Variants in ATP11C observed in about 807,000 individuals in gnomAD.
ATP11C encodes ATPase phospholipid transporting 11C (ATP11C blood group).
Under a neutral mutation model 97.4 loss-of-function variants are expected in ATP11C, and 36 were observed. The observed-to-expected ratio is 0.37, with a 90% CI of 0.28 to 0.49. The LOEUF is 0.49. ATP11C is among the 20% of genes least tolerant of loss of function. The probability of loss-of-function intolerance (pLI) is 0.98; values close to 1 mark genes in which losing one functional copy is unlikely to be tolerated. For missense variants in ATP11C, 730 were observed against 824.6 expected (o/e 0.89, Z 1.40); for synonymous variants, 275 against 290.9 (o/e 0.95, Z 0.56).
At chrX:139,732,141 T>C (rs1458963726) in intron 28 of ATP11C, among the ~76,000 whole-genome samples, 1 of 110,313 alleles carries the variant, frequency 9.1e-6, no homozygotes, top group African/African-American at 3.3e-5. Flanking sequence ...AAAGAGAAAT[T>C]TGTGCAAAAC....
intron 26 of ATP11C, among the ~76,000 whole-genome samples, chrX:139,742,584 T>C (rs1054717754): frequency 5.4e-5 from 6 of 110,736 alleles, no homozygotes; most frequent in Non-Finnish European, 7.6e-5. Flanking sequence ...AGGTATTTAC[T>C]CATGGAACCC....
At chrX:139,867,719 C>A (rs5953790) in intron 1 of ATP11C, among the ~76,000 whole-genome samples, 12,533 of 111,481 alleles carry the variant, frequency 0.11, 959 homozygotes, top group East Asian at 0.29. Flanking sequence ...TCTGGCAGAG[C>A]AGCTAGCATG....
chrX:139,923,906 C>T (rs1378884142), intron 1 of ATP11C, among the ~76,000 whole-genome samples: 1 of 111,601 alleles, frequency 9.0e-6, no homozygotes, highest in Non-Finnish European at 1.9e-5. Flanking sequence ...AAAGACAATC[C>T]AGGATATAAA....
At chrX:139,801,558 G>A (rs1239368695) in intron 7 of ATP11C, among the ~76,000 whole-genome samples, 1 of 111,691 alleles carries the variant, frequency 9.0e-6, no homozygotes, top group African/African-American at 3.3e-5. Flanking sequence ...CATCTGCAAC[G>A]GTAGAATAGG....
Position 139,814,636 on chromosome X carries a change from T to C in ATP11C, c.426+242A>G, listed in dbSNP as rs113886232. On this transcript the variant is annotated intron_variant, in intron 5 of 29. Transcript: ENST00000682941. ...AAGGACACATAAGAAATATGAAACA[T>C]TCAGAATACATACATCCATAGGGAC... Among the ~76,000 whole-genome samples the C allele has an allele frequency of 3.2e-3, 361 of 111,444 alleles. 2 individuals carry two copies. The highest frequency in any genetic ancestry group is 9.9e-3 in the African/African-American group (303 of 30,744).
At chrX:139,870,760 T>C (rs753884908) in intron 1 of ATP11C, among the ~76,000 whole-genome samples, 6 of 112,523 alleles carry the variant, frequency 5.3e-5, no homozygotes, top group African/African-American at 1.6e-4. Context: ...CTTCTGTGTA[T>C]AAAAAGATAC....
intron 19 of ATP11C, among the ~76,000 whole-genome samples, chrX:139,770,653 G>C (rs2082235947): frequency 9.0e-6 from 1 of 111,032 alleles, no homozygotes; most frequent in Non-Finnish European, 1.9e-5. Flanking sequence ...GATTTGAAGG[G>C]GAAAGGGCAA....
rs556115873 is a variant in ATP11C, at chrX:139,930,848, G to A, written c.27+1168C>T. ...TACACTTGTGAAAGTTTCAAATGAA[G>A]GAAAAATGAGAGCAAATATATCCGA... On this transcript the variant is annotated intron_variant, in intron 1 of 29. Coordinates refer to ENST00000682941, the MANE Select transcript of ATP11C (RefSeq NM_001353812.2). Among the ~76,000 whole-genome samples the A allele has an allele frequency of 3.4e-3, 380 of 112,210 alleles. 3 individuals are homozygous for A. Among genetic ancestry groups the A allele is most frequent in the African/African-American group, 0.012 (358 of 30,898 alleles).
At chrX:139,877,425 G>C (rs184298467) in intron 1 of ATP11C, among the ~76,000 whole-genome samples, 1 of 111,648 alleles carries the variant, frequency 9.0e-6, no homozygotes, top group East Asian at 2.8e-4. Flanking sequence ...TAATATATGC[G>C]GCTAAGAAGA....
intron 1 of ATP11C, among the ~76,000 whole-genome samples, chrX:139,927,728 A>T (rs776336731): frequency 1.8e-5 from 2 of 108,723 alleles, no homozygotes; most frequent in Non-Finnish European, 3.8e-5. Flanking sequence ...TTCCCATAAT[A>T]AATCTCAAAA....
At chrX:139,887,305 T>C (rs893405429) in intron 1 of ATP11C, among the ~76,000 whole-genome samples, 2 of 111,970 alleles carry the variant, frequency 1.8e-5, no homozygotes, top group African/African-American at 3.2e-5. Flanking sequence ...AACTGTTTCT[T>C]AGATAGGACA....
intron 6 of ATP11C, among the ~76,000 whole-genome samples, chrX:139,803,324 A>G (rs1444760477): frequency 8.9e-6 from 1 of 111,995 alleles, no homozygotes; most frequent in Non-Finnish European, 1.9e-5. Flanking sequence ...CTTTTGAAAT[A>G]CAGAATTAGT....
chrX:139,890,373 A>T (rs992613917), intron 1 of ATP11C, among the ~76,000 whole-genome samples: 7 of 110,994 alleles, frequency 6.3e-5, no homozygotes, highest in Middle Eastern at 4.6e-3. Context: ...TCTACAAAAA[A>T]TTTTTTTAAA....
Position 139,774,738 on chromosome X carries a change from C to T in ATP11C, c.2168G>A (p.Arg723His), listed in dbSNP as rs377281877. The T allele has an allele frequency of 6.0e-5, 73 of 1,208,398 alleles. No homozygotes were observed. Among genetic ancestry groups the T allele is most frequent in the Non-Finnish European group, 7.5e-5 (67 of 893,586 alleles). The part of the protein sequence containing the change: ...DRLHELLIEY[R>H]KKLLHEFPKS... ...AGGAAACTCATGCAGCAATTTCTTGCGATATTCTATCAATAATTCATGTAA... is the reference window on the plus strand; with the variant it reads ...AGGAAACTCATGCAGCAATTTCTTGTGATATTCTATCAATAATTCATGTAA... The change falls in exon 19 of 30, where the codon CGC (arginine) becomes CAC (histidine). Residue 723 changes from arginine (R) to histidine (H), a missense_variant. Coordinates refer to ENST00000682941, the MANE Select transcript of ATP11C (RefSeq NM_001353812.2).
intron 28 of ATP11C, 83 bp from the exon 29 acceptor site, chrX:139,731,838 A>G: frequency 1.7e-6 from 1 of 577,389 alleles, no homozygotes; most frequent in Non-Finnish European, 2.6e-6. Flanking sequence ...AAAAGGTAAA[A>G]GAAAAAAATC....
intron 10 of ATP11C, among the ~76,000 whole-genome samples, chrX:139,797,978 A>G (rs1305568153): frequency 4.5e-5 from 5 of 111,514 alleles, no homozygotes; most frequent in African/African-American, 1.6e-4. Flanking sequence ...GTTCAAGTAA[A>G]CTCTGCCCTT....
In ATP11C at chrX:139,919,021, A is replaced by C. The variant is rs192251243; in HGVS notation, c.27+12995T>G. Among the ~76,000 whole-genome samples, 3 of 111,560 alleles carry C rather than the reference A, an allele frequency of 2.7e-5. No individual in the cohort carries two copies. In the Admixed American group the frequency reaches 2.9e-4, roughly 11 times the overall value. ...TTTGGGAGGCTGAGGAGGGTGCATC[A>C]CCTGAGGTTGGGAGTTCAAGACCAG... On this transcript the variant is annotated intron_variant, in intron 1 of 29. Transcript: ENST00000682941.
intron 1 of ATP11C, among the ~76,000 whole-genome samples, chrX:139,836,188 T>C (rs1398908870): frequency 9.1e-6 from 1 of 109,957 alleles, no homozygotes; most frequent in Non-Finnish European, 1.9e-5. Context: ...TACAAACTAA[T>C]ACACACGAGA....
In ATP11C at chrX:139,802,301, T is replaced by C; in HGVS notation, c.594A>G (p.Thr198=). Residue 198 remains threonine (T), a synonymous_variant, in exon 7 of 30, where the codon ACA becomes ACG. Coordinates refer to ENST00000682941, the MANE Select transcript of ATP11C (RefSeq NM_001353812.2). ...CTCGGAGGGTATCGATGGATTCTGC[T>C]GTACACAGTGCAATGGTATCACGTA... ...YAVRDTIALC[T]AESIDTLRAA... The C allele has an allele frequency of 8.3e-7, 1 of 1,207,199 alleles. No individual in the cohort carries two copies. Among genetic ancestry groups the C allele is most frequent in the Non-Finnish European group, 1.1e-6 (1 of 891,210 alleles).
Sources: allele counts gnomAD v4.1 joint callset (sites outside exome capture counted in the v4.1 genomes callset), GRCh38; gene constraint gnomAD v4.1.1; transcripts MANE v1.5; gene names NCBI Gene and HGNC (gene_info 2026-07-23, HGNC 2026-07-21).